Variants in ELMOD1 observed in about 807,000 individuals in gnomAD.
The protein encoded by ELMOD1 is ELMO domain containing 1, also known as ELMO domain-containing protein 1.
A neutral mutation model predicts 46.7 loss-of-function variants in ELMOD1; 21 were observed. The observed-to-expected ratio is 0.45, with a 90% CI of 0.32 to 0.65. ELMOD1 has a LOEUF of 0.65. Ranked by LOEUF, ELMOD1 falls within the 30% of genes least tolerant of loss-of-function variation. The pLI is 0.04. For synonymous variants in ELMOD1, 122 were observed against 138.2 expected (o/e 0.88, Z 0.82); for missense variants, 348 against 407.8 (o/e 0.85, Z 1.26).
intron 11 of ELMOD1, among the ~76,000 whole-genome samples, chr11:107,664,592 G>C (rs185844159): frequency 6.6e-6 from 1 of 152,028 alleles, no homozygotes; most frequent in Non-Finnish European, 1.5e-5. Context: ...TTGATTTGTC[G>C]GGGTAATTTA....
chr11:107,655,912 T>C, intron 10 of ELMOD1, 21 bp from the exon 11 acceptor site: 1 of 1,599,324 alleles, frequency 6.3e-7, no homozygotes, highest in Non-Finnish European at 8.5e-7. Flanking sequence ...CACAGTTGGT[T>C]TTGTGGTTTA....
chr11:107,623,069 T>C (rs536510782), intron 2 of ELMOD1, among the ~76,000 whole-genome samples: 47 of 152,234 alleles, frequency 3.1e-4, no homozygotes, highest in African/African-American at 9.9e-4. Context: ...TGGTGTGCTG[T>C]ACCCATTAAC....
intron 1 of ELMOD1, among the ~76,000 whole-genome samples, chr11:107,597,220 C>A (rs1010448932): frequency 6.6e-6 from 1 of 152,142 alleles, no homozygotes; most frequent in African/African-American, 2.4e-5. Flanking sequence ...AATTTGAAAT[C>A]TCTTAGCCCA....
intron 1 of ELMOD1, among the ~76,000 whole-genome samples, chr11:107,615,330 G>A (rs10890746): frequency 0.55 from 81,876 of 148,594 alleles, 23,048 homozygotes; most frequent in East Asian, 0.8. Flanking sequence ...CTGCCTCCCG[G>A]GTTCAAGCGA....
chr11:107,600,378 A>G (rs989864089), intron 1 of ELMOD1: 1 of 152,198 alleles, frequency 6.6e-6, no homozygotes, highest in African/African-American at 2.4e-5. Context: ...AACAACAACA[A>G]ATTAGGTCCA....
chr11:107,591,976 T>C (rs1405271003), intron 1 of ELMOD1: 5 of 523,060 alleles, frequency 9.6e-6, no homozygotes, highest in East Asian at 1.1e-4. Context: ...CGCACTTCAA[T>C]ATTGGAGCAT....
chr11:107,629,735 A>G (rs1275592712), intron 2 of ELMOD1, among the ~76,000 whole-genome samples: 1 of 152,210 alleles, frequency 6.6e-6, no homozygotes, highest in Admixed American at 6.5e-5. Flanking sequence ...TGAAACATTT[A>G]AATCACGGAA....
chr11:107,654,750 C>T, intron 10 of ELMOD1, among the ~76,000 whole-genome samples: 1 of 101,864 alleles, frequency 9.8e-6, no homozygotes, highest in East Asian at 2.7e-4. Flanking sequence ...GCCTGGGCGA[C>T]AAAGCGAGAC....
chr11:107,655,215 T>C (rs563067204), intron 10 of ELMOD1, among the ~76,000 whole-genome samples: 1 of 152,304 alleles, frequency 6.6e-6, no homozygotes, highest in South Asian at 2.1e-4. Context: ...CCTGCTGAAA[T>C]CGTCTTTAAG....
At chr11:107,642,605 G>A (rs1260132298) in intron 6 of ELMOD1, among the ~76,000 whole-genome samples, 3 of 151,398 alleles carry the variant, frequency 2.0e-5, no homozygotes, top group Non-Finnish European at 2.9e-5. Flanking sequence ...TCCCGACCTC[G>A]TGATCCACCT....
At chr11:107,637,884 AT>A (rs201215645) in intron 6 of ELMOD1, among the ~76,000 whole-genome samples, 3 of 151,234 alleles carry the variant, frequency 2.0e-5, no homozygotes, top group Non-Finnish European at 2.9e-5. Context: ...TGTTGGAGGG[AT>A]TTTTTTTTCC....
At chr11:107,652,260 T>G (rs1162098984) in intron 9 of ELMOD1, among the ~76,000 whole-genome samples, 1 of 152,224 alleles carries the variant, frequency 6.6e-6, no homozygotes, top group Non-Finnish European at 1.5e-5. Context: ...GAAAAGTCAG[T>G]GTGTACTAAG....
At chr11:107,624,835 AT>A (rs1384211780) in intron 2 of ELMOD1, among the ~76,000 whole-genome samples, 2 of 152,222 alleles carry the variant, frequency 1.3e-5, no homozygotes, top group Admixed American at 1.3e-4. Context: ...GGAATATATT[AT>A]AAAAAGAGTG....
chr11:107,637,526 C>T (rs1415976004), intron 6 of ELMOD1, among the ~76,000 whole-genome samples: 1 of 152,094 alleles, frequency 6.6e-6, no homozygotes, highest in African/African-American at 2.4e-5. Flanking sequence ...AACCCTGTCT[C>T]TACTAAAAAT....
chr11:107,635,817 C>T, intron 6 of ELMOD1, 52 bp downstream of exon 6: 2 of 1,561,668 alleles, frequency 1.3e-6, no homozygotes, highest in Non-Finnish European at 1.7e-6. Context: ...TGACATTTGC[C>T]AGGCACCTGC....
At chr11:107,603,605 C>G (rs998333708) in intron 1 of ELMOD1, among the ~76,000 whole-genome samples, 2 of 151,882 alleles carry the variant, frequency 1.3e-5, no homozygotes, top group Non-Finnish European at 2.9e-5. Context: ...GGGCTTCTTA[C>G]ACTCCCACTT....
At chr11:107,600,082 C>T (rs1250445469) in intron 1 of ELMOD1, among the ~76,000 whole-genome samples, 2 of 151,832 alleles carry the variant, frequency 1.3e-5, no homozygotes, top group African/African-American at 4.8e-5. Context: ...TCTAGAAGTA[C>T]ATAAGATAGT....
At chr11:107,615,423 CG>C (rs1268931236) in intron 1 of ELMOD1, among the ~76,000 whole-genome samples, 1 of 151,580 alleles carries the variant, frequency 6.6e-6, no homozygotes, top group Non-Finnish European at 1.5e-5. Flanking sequence ...TTAGTAGAGA[CG>C]GGGTTTCACC....
In ELMOD1 at chr11:107,661,096, T is replaced by C. The variant is rs1033419730; in HGVS notation, c.833-3929T>C. On this transcript the variant is annotated intron_variant, in intron 11 of 11. Transcript: ENST00000265840. ...CATTTCTGCATTTTGATTAAGATCA[T>C]GTTACACAGTCTTTACTTATTTTCC... Among the ~76,000 whole-genome samples the C allele has an allele frequency of 9.8e-5, 15 of 152,286 alleles. No homozygotes were observed. In the South Asian group the frequency reaches 1.2e-3, roughly 13 times the overall value.
Sources: gnomAD v4.1 joint callset for allele counts (sites outside exome capture counted in the v4.1 genomes callset) on GRCh38, gnomAD v4.1.1 for gene constraint, MANE v1.5 for transcripts, NCBI Gene and HGNC (gene_info 2026-07-23, HGNC 2026-07-21) for gene names.